Variants in ADAMTS9 observed in about 807,000 individuals in gnomAD.
The protein encoded by ADAMTS9 is ADAM metallopeptidase with thrombospondin type 1 motif 9, also known as A disintegrin and metalloproteinase with thrombospondin motifs 9.
In ADAMTS9, 107 loss-of-function variants were observed where a neutral mutation model predicts 257.1. That is an observed-to-expected ratio of 0.42 (90% CI 0.36 to 0.49). The LOEUF (loss-of-function observed/expected upper bound fraction) is 0.49, where lower values mean the gene tolerates loss of function less well. Among genes scored for constraint, ADAMTS9 ranks in the 20% least tolerant of loss-of-function variants. The probability of loss-of-function intolerance (pLI) is 0.03; values close to 1 mark genes in which losing one functional copy is unlikely to be tolerated. For synonymous variants in ADAMTS9, 982 were observed against 880.9 expected (o/e 1.11, Z -2.03); for missense variants, 2,353 against 2,469.1 (o/e 0.95, Z 1.00).
At chr3:64,652,997 T>C (rs1306869236) in intron 8 of ADAMTS9, among the ~76,000 whole-genome samples, 1 of 152,180 alleles carries the variant, frequency 6.6e-6, no homozygotes, top group Admixed American at 6.5e-5. Context: ...GAAACATAAA[T>C]TCCTTGCTTA....
chr3:64,633,669 C>T lies in ADAMTS9; in HGVS notation c.2038+29G>A, dbSNP rs147408998. 513 of 1,613,712 alleles carry T rather than the reference C, an allele frequency of 3.2e-4. 2 individuals carry two copies. In the East Asian group the frequency reaches 8.4e-3, roughly 26 times the overall value. ...CCTGGCCTCAGTGCCGGCCGGCCAA[C>T]GGTGAACAGATACACCAGACACACT... On this transcript the variant is annotated intron_variant, in intron 13 of 39. Transcript: ENST00000498707.
intron 28 of ADAMTS9, chr3:64,592,335 TA>T (rs2084278106): frequency 6.6e-6 from 1 of 152,206 alleles, no homozygotes; most frequent in Non-Finnish European, 1.5e-5. Context: ...TAGAGCATTA[TA>T]ATTTCTTTCT....
intron 19 of ADAMTS9, among the ~76,000 whole-genome samples, chr3:64,619,543 G>A (rs748335105): frequency 1.5e-4 from 23 of 152,008 alleles, no homozygotes; most frequent in Non-Finnish European, 2.9e-4. Flanking sequence ...AAAGTGGTAA[G>A]AATAATAATA....
intron 28 of ADAMTS9, among the ~76,000 whole-genome samples, chr3:64,575,540 G>T (rs1238603036): frequency 6.6e-6 from 1 of 152,132 alleles, no homozygotes; most frequent in Non-Finnish European, 1.5e-5. Context: ...ATTCCAAGGG[G>T]TGCTTGGGTG....
At chr3:64,582,761 G>T (rs959947319) in intron 28 of ADAMTS9, 1 of 152,164 alleles carries the variant, frequency 6.6e-6, no homozygotes, top group East Asian at 1.9e-4. Flanking sequence ...TAGTGCCAAG[G>T]TTGGGAAACC....
At chr3:64,553,488 G>C (rs1278908426) in intron 30 of ADAMTS9, among the ~76,000 whole-genome samples, 1 of 151,986 alleles carries the variant, frequency 6.6e-6, no homozygotes, top group African/African-American at 2.4e-5. Flanking sequence ...TTTGGCTATT[G>C]TAAATAGTGC....
At chr3:64,667,115 G>A (rs1701369886) in intron 3 of ADAMTS9, among the ~76,000 whole-genome samples, 1 of 152,148 alleles carries the variant, frequency 6.6e-6, no homozygotes, top group African/African-American at 2.4e-5. Flanking sequence ...AAAGAGTGGT[G>A]GCAGAAGAGA....
intron 38 of ADAMTS9, among the ~76,000 whole-genome samples, chr3:64,531,363 C>A (rs930255329): frequency 5.9e-5 from 9 of 151,526 alleles, no homozygotes; most frequent in Admixed American, 6.6e-5. Context: ...ATACAGGATG[C>A]TTGGTTAAGT....
chr3:64,633,819 C>T lies in ADAMTS9; in HGVS notation c.1917G>A (p.Thr639=), dbSNP rs777103177. The part of the protein sequence containing the change: ...GRRMKFKSCN[T]EPCLKQKRDF... ...CTCGCTTCTGCTTGAGACATGGCTC[C>T]GTGTTGCAGGACTTAAATTTCATTC... Residue 639 remains threonine, a synonymous_variant, in exon 13 of 40, where the codon ACG becomes ACA. Transcript: ENST00000498707. 5.2e-5 allele frequency: 84 copies of T among 1,613,168 alleles called. No individual in the cohort carries two copies. The highest frequency in any genetic ancestry group is 6.3e-5 in the Non-Finnish European group (74 of 1,179,928).
rs1576196128 is a variant in ADAMTS9 at position 64,686,499 on chromosome 3, G to A, written c.516+69C>T. 1.3e-6 allele frequency: 2 copies of A among 1,487,814 alleles called. No individual in the cohort carries two copies. The highest frequency in any genetic ancestry group is 1.4e-5 in the South Asian group (1 of 73,312). 92.2% of individuals were successfully genotyped at this position (1,487,814 alleles called of 1,614,324 possible). A position where few individuals can be genotyped will look rare whatever the true frequency, so the allele number is the denominator to read the frequency against. On this transcript the variant is annotated intron_variant, in intron 2 of 39. Coordinates refer to ENST00000498707, the MANE Select transcript of ADAMTS9 (RefSeq NM_182920.2). The surrounding 1 kb of genome is among the most constrained non-coding windows in gnomAD (Gnocchi z 4.6). ...CACAGTGAGGGTCTCTAGGCTTAGA[G>A]GACAATTAAGTCTTCTAGAAGCGGG...
intron 10 of ADAMTS9, 29 bp downstream of exon 10, chr3:64,649,608 G>A (rs1700881961): frequency 1.3e-6 from 2 of 1,577,514 alleles, no homozygotes; most frequent in Admixed American, 1.8e-5. Context: ...ATCAGTAGAT[G>A]AGGGCAGAAG....
At chr3:64,609,625 T>A (rs1346061932) in intron 22 of ADAMTS9, among the ~76,000 whole-genome samples, 1 of 152,044 alleles carries the variant, frequency 6.6e-6, no homozygotes, top group Non-Finnish European at 1.5e-5. Context: ...GCTCAAGAAA[T>A]TAAAGAAGAC....
At chr3:64,647,646 A>G (rs1358099294) in intron 11 of ADAMTS9, among the ~76,000 whole-genome samples, 1 of 152,242 alleles carries the variant, frequency 6.6e-6, no homozygotes, top group Non-Finnish European at 1.5e-5. Context: ...AAATGTTCCC[A>G]TAGGCACACT....
intron 38 of ADAMTS9, among the ~76,000 whole-genome samples, chr3:64,528,265 A>T (rs2106882525): frequency 6.6e-6 from 1 of 152,282 alleles, no homozygotes; most frequent in East Asian, 1.9e-4. Context: ...GGTAGCTCTG[A>T]GAATGGGCAT....
At chr3:64,670,089 C>A (rs969030129) in intron 3 of ADAMTS9, among the ~76,000 whole-genome samples, 1 of 151,610 alleles carries the variant, frequency 6.6e-6, no homozygotes, top group African/African-American at 2.4e-5. Context: ...GTCATAAGGA[C>A]TGAATCTCAT....
intron 16 of ADAMTS9, among the ~76,000 whole-genome samples, chr3:64,625,994 G>A (rs1343081674): frequency 6.6e-6 from 1 of 152,192 alleles, no homozygotes; most frequent in East Asian, 1.9e-4. Flanking sequence ...AGCGTCTGAA[G>A]TCTGACCCAT....
chr3:64,585,570 A>T (rs2084126478), intron 28 of ADAMTS9, among the ~76,000 whole-genome samples: 1 of 152,108 alleles, frequency 6.6e-6, no homozygotes, highest in Admixed American at 6.6e-5. Context: ...ATTTTAGTAA[A>T]TTTTACCATT....
intron 29 of ADAMTS9, among the ~76,000 whole-genome samples, chr3:64,566,198 G>A (rs2083541419): frequency 6.6e-6 from 1 of 152,118 alleles, no homozygotes; most frequent in Non-Finnish European, 1.5e-5. Context: ...GGATATTCTT[G>A]TTTACCACTG....
chr3:64,546,173 G>A (rs1296479359), intron 32 of ADAMTS9, among the ~76,000 whole-genome samples: 1 of 151,868 alleles, frequency 6.6e-6, no homozygotes. Flanking sequence ...TAACCTAAGT[G>A]CTTTTTATAT....
Sources: gnomAD v4.1 joint callset for allele counts (sites outside exome capture counted in the v4.1 genomes callset) on GRCh38, gnomAD v4.1.1 for gene constraint, Gnocchi (gnomAD v3.1) non-coding constraint, MANE v1.5 for transcripts, NCBI Gene and HGNC (gene_info 2026-07-23, HGNC 2026-07-21) for gene names.